The following STPG2 variants were observed in gnomAD, a reference collection of about 807,000 sequenced individuals.
STPG2 encodes sperm tail PG-rich repeat containing 2.
A neutral mutation model predicts 54.2 loss-of-function variants in STPG2; 56 were observed. That is an observed-to-expected ratio of 1.03 (90% CI 0.83 to 1.29). STPG2 has a LOEUF of 1.29. Ranked by LOEUF, STPG2 falls within the 50% of genes most tolerant of loss-of-function variation. The probability of loss-of-function intolerance (pLI) is 0.00; values close to 1 mark genes in which losing one functional copy is unlikely to be tolerated. For synonymous variants in STPG2, 200 were observed against 181.8 expected, an observed-to-expected ratio of 1.10 and a Z score of -0.81; for missense variants, 596 against 544.9, an observed-to-expected ratio of 1.09 and a Z score of -0.93.
intron 7 of STPG2, among the ~76,000 whole-genome samples, chr4:97,948,878 G>A (rs1733353328): frequency 6.6e-6 from 1 of 152,062 alleles, no homozygotes; most frequent in Non-Finnish European, 1.5e-5. Flanking sequence ...TGAGAAGAAT[G>A]TATATTCTGA....
chr4:97,527,265 C>T (rs967044515), intron 4 of STPG2, among the ~76,000 whole-genome samples: 8 of 151,588 alleles, frequency 5.3e-5, no homozygotes, highest in African/African-American at 1.9e-4. Context: ...TTTTCTGTTC[C>T]TGGGTTAGTT....
intron 8 of STPG2, among the ~76,000 whole-genome samples, chr4:97,905,716 A>G (rs1483516306): frequency 6.6e-6 from 1 of 152,128 alleles, no homozygotes; most frequent in Non-Finnish European, 1.5e-5. Context: ...AACCCATCTC[A>G]CGTGCAGAGA....
At chr4:97,482,820 A>G (rs766170177) in intron 4 of STPG2, among the ~76,000 whole-genome samples, 2 of 151,696 alleles carry the variant, frequency 1.3e-5, no homozygotes, top group African/African-American at 2.4e-5. Context: ...AACACCAGGT[A>G]ACCTATGAAA....
chr4:98,043,298 T>C (rs936705246), intron 5 of STPG2, among the ~76,000 whole-genome samples: 1 of 152,102 alleles, frequency 6.6e-6, no homozygotes, highest in African/African-American at 2.4e-5. Flanking sequence ...CCATTATCTT[T>C]TTAATTGTAG....
chr4:97,546,232 T>A (rs982769100), intron 4 of STPG2, among the ~76,000 whole-genome samples: 5 of 151,822 alleles, frequency 3.3e-5, no homozygotes, highest in African/African-American at 1.2e-4. Flanking sequence ...TAATTATATA[T>A]AAAATAATGA....
chr4:97,975,765 G>T (rs1291770655), intron 6 of STPG2, among the ~76,000 whole-genome samples: 1 of 152,112 alleles, frequency 6.6e-6, no homozygotes, highest in African/African-American at 2.4e-5. Context: ...TGGGCTTCAA[G>T]TTCCTTATCT....
intron 7 of STPG2, among the ~76,000 whole-genome samples, chr4:97,946,870 A>G (rs1423671392): frequency 1.3e-5 from 2 of 152,108 alleles, no homozygotes; most frequent in Non-Finnish European, 2.9e-5. Context: ...GCTTTGGCTA[A>G]GCAGGCTCTT....
At chr4:97,914,133 A>T (rs1316202274) in intron 8 of STPG2, among the ~76,000 whole-genome samples, 1 of 152,180 alleles carries the variant, frequency 6.6e-6, no homozygotes, top group Non-Finnish European at 1.5e-5. Context: ...TGACACCAAC[A>T]AGCACGAAAA....
At chr4:97,703,798 G>A (rs1342276649) in intron 10 of STPG2, among the ~76,000 whole-genome samples, 1 of 147,526 alleles carries the variant, frequency 6.8e-6, no homozygotes, top group African/African-American at 2.5e-5. Context: ...ATATATATGT[G>A]TGTGTGTGTG....
intron 8 of STPG2, among the ~76,000 whole-genome samples, chr4:97,921,919 T>C (rs1318372990): frequency 6.6e-6 from 1 of 152,194 alleles, no homozygotes; most frequent in Non-Finnish European, 1.5e-5. Context: ...AATTAGCAGA[T>C]ACAGAAAGAC....
Position 97,878,387 on chromosome 4 carries a change from C to T in STPG2, c.1045-37455G>A, listed in dbSNP as rs1003893036. 2.6e-5 allele frequency among the ~76,000 whole-genome samples: 4 copies of T among 152,300 alleles called. No homozygotes were observed. In the East Asian group the frequency reaches 5.8e-4, roughly 22 times the overall value. ...CAGAGGTTCTCCATGAGGGCCCCAC[C>T]CCTGCAGCAAACTCTTGCCTGGACA... On this transcript the variant is annotated intron_variant, in intron 8 of 10. Coordinates refer to ENST00000295268, the MANE Select transcript of STPG2 (RefSeq NM_174952.3).
rs934896553 is a variant in STPG2 at position 97,540,068 on chromosome 4, T to C, written c.462+172631A>G. On this transcript the variant is annotated intron_variant, in intron 4 of 4. Transcript: ENST00000522676. ...ACCCTAACATCACAATTAAAAGAACTAGAGAAGCAAGAGCAAACACATTCA... is the reference window on the plus strand; with the variant it reads ...ACCCTAACATCACAATTAAAAGAACCAGAGAAGCAAGAGCAAACACATTCA... Among the ~76,000 whole-genome samples the C allele has an allele frequency of 3.3e-5, 5 of 152,034 alleles. No individual in the cohort carries two copies. In the South Asian group the frequency reaches 1.0e-3, roughly 32 times the overall value.
At position 97,895,473 on chromosome 4, in the gene STPG2, G is replaced by C. The variant is rs555317962; in HGVS notation, c.1044+48424C>G. On this transcript the variant is annotated intron_variant, in intron 8 of 10. Coordinates refer to ENST00000295268, the MANE Select transcript of STPG2 (RefSeq NM_174952.3). ...AATACAAAATAAGTCCTTTTATAAA[G>C]TCATAATTATTCCTTCTGAAATATG... is the stretch of plus-strand genomic sequence containing the variant. Among the ~76,000 whole-genome samples the C allele has an allele frequency of 4.6e-5, 7 of 151,850 alleles. No homozygotes were observed. The South Asian group carries it at 1.5e-3, about 31-fold the overall frequency.
At chr4:97,950,117 A>AT (rs1733411040) in intron 7 of STPG2, among the ~76,000 whole-genome samples, 1 of 151,444 alleles carries the variant, frequency 6.6e-6, no homozygotes, top group Non-Finnish European at 1.5e-5. Context: ...CTCTTTAGAA[A>AT]TTTTTTCATT....
intron 5 of STPG2, among the ~76,000 whole-genome samples, chr4:98,041,324 C>T (rs922035324): frequency 6.6e-6 from 1 of 151,906 alleles, no homozygotes; most frequent in Non-Finnish European, 1.5e-5. Flanking sequence ...TTCTTTCTGT[C>T]TCTTGCCTGA....
intron 7 of STPG2, among the ~76,000 whole-genome samples, chr4:97,957,145 CATGTGAAATATATATGAAATATAT>C (rs1553928832): frequency 3.6e-5 from 5 of 138,394 alleles, no homozygotes; most frequent in African/African-American, 5.5e-5. Flanking sequence ...ATGAAATATA[CATGTGAAATATATATGAAATATAT>C]ATGTGAAATA....
intron 8 of STPG2, among the ~76,000 whole-genome samples, chr4:97,912,160 A>G (rs1360171274): frequency 6.6e-6 from 1 of 152,180 alleles, no homozygotes; most frequent in African/African-American, 2.4e-5. Flanking sequence ...AAAAACATTC[A>G]AAGATCAGCA....
chr4:97,448,680 T>C (rs1262261045), intron 4 of STPG2, among the ~76,000 whole-genome samples: 1 of 152,186 alleles, frequency 6.6e-6, no homozygotes, highest in Non-Finnish European at 1.5e-5. Flanking sequence ...CTTTCCTTTA[T>C]AAATTACCCA....
At chr4:97,622,148 T>A (rs894857258) in intron 10 of STPG2, among the ~76,000 whole-genome samples, 3 of 152,174 alleles carry the variant, frequency 2.0e-5, no homozygotes, top group African/African-American at 7.2e-5. Context: ...GAGCCACCTA[T>A]GACAAACTCA....
Sources: gnomAD v4.1 joint callset for allele counts (sites outside exome capture counted in the v4.1 genomes callset) on GRCh38, gnomAD v4.1.1 for gene constraint, MANE v1.5 for transcripts, NCBI Gene and HGNC (gene_info 2026-07-23, HGNC 2026-07-21) for gene names.